PSD4: variants seen among roughly 807,000 people sequenced by gnomAD.
PSD4 encodes the protein pleckstrin and Sec7 domain containing 4, also known as PH and SEC7 domain-containing protein 4.
In PSD4, 59 loss-of-function variants were observed where a neutral mutation model predicts 112.5. The observed-to-expected ratio is 0.52, with a 90% CI of 0.43 to 0.65. PSD4 has a LOEUF of 0.65. PSD4 is among the 30% of genes least tolerant of loss of function. The probability of loss-of-function intolerance (pLI) is 0.00; values close to 1 mark genes in which losing one functional copy is unlikely to be tolerated. For missense variants in PSD4, 1,267 were observed against 1,352.6 expected, an observed-to-expected ratio of 0.94 and a Z score of 0.99; for synonymous variants, 533 against 540.0, an observed-to-expected ratio of 0.99 and a Z score of 0.18.
chr2:113,199,140 G>C lies in PSD4; in HGVS notation c.2827G>C (p.Asp943His). The C allele has an allele frequency of 6.5e-7, 1 of 1,530,912 alleles. No individual in the cohort carries two copies. The highest frequency in any genetic ancestry group is 8.8e-7 in the Non-Finnish European group (1 of 1,140,712). 94.8% of individuals were successfully genotyped at this position (1,530,912 alleles called of 1,614,324 possible). A position where few individuals can be genotyped will look rare whatever the true frequency, so the allele number is the denominator to read the frequency against. The change falls in exon 16 of 17, where the codon GAT becomes CAT. Residue 943 changes from aspartate to histidine, a missense_variant. Around this residue, in one of 2 missense-constraint regions of PSD4, gnomAD observed 544 missense variants for 648.6 expected, o/e 0.84. Transcript: ENST00000245796. Reference sequence around the variant, plus strand: ...GGACGCTGCCGCGGACGACCTGCTGGATCTACAGAGGAACCTGCCGGAGCG... The same window carrying C: ...GGACGCTGCCGCGGACGACCTGCTGCATCTACAGAGGAACCTGCCGGAGCG... The part of the protein sequence containing the change: ...CLDAAADDLL[D>H]LQRNLPERRG...
At position 113,185,290 on chromosome 2, in the gene PSD4, C is replaced by G. The variant is rs371609076; in HGVS notation, c.1174-75C>G. 1.8e-5 allele frequency: 28 copies of G among 1,588,400 alleles called. No homozygotes were observed. In the African/African-American group the frequency reaches 2.4e-4, roughly 14 times the overall value. On this transcript the variant is annotated intron_variant, in intron 3 of 16. Coordinates refer to ENST00000245796, the MANE Select transcript of PSD4 (RefSeq NM_012455.3). Reference sequence around the variant, plus strand: ...TTCCCCTCCCCTCCTTTCCCCTTCTCCCTGCCTGGCCTCTCCCCCATCCAC... The same window carrying G: ...TTCCCCTCCCCTCCTTTCCCCTTCTGCCTGCCTGGCCTCTCCCCCATCCAC...
chr2:113,179,869 G>A (rs951912022), intron 1 of PSD4, among the ~76,000 whole-genome samples: 2 of 152,176 alleles, frequency 1.3e-5, no homozygotes, highest in Admixed American at 6.5e-5. Flanking sequence ...GCCGGTCAGG[G>A]ACCATTCCGG....
In PSD4 at chr2:113,199,139, G is replaced by A; in HGVS notation, c.2826G>A (p.Leu942=). Residue 942 remains leucine, a synonymous_variant, in exon 16 of 17, where the codon CTG becomes CTA. Transcript: ENST00000245796. ...NCLDAAADDL[L]DLQRNLPERR... ...TGGACGCTGCCGCGGACGACCTGCT[G>A]GATCTACAGAGGAACCTGCCGGAGC... The A allele has an allele frequency of 6.5e-7, 1 of 1,531,128 alleles. No individual in the cohort carries two copies. The highest frequency in any genetic ancestry group is 8.8e-7 in the Non-Finnish European group (1 of 1,140,842). 94.8% of individuals were successfully genotyped at this position (1,531,128 alleles called of 1,614,324 possible).
chr2:113,198,990 G>T, intron 15 of PSD4, 93 bp from the exon 16 acceptor site: 3 of 1,521,626 alleles, frequency 2.0e-6, no homozygotes, highest in Non-Finnish European at 2.6e-6. Flanking sequence ...CTTGGCCTGG[G>T]AACCGAGGCG....
chr2:113,205,834 G>C lies in PSD4; in HGVS notation c.*4419G>C, dbSNP rs1688854056. On this transcript the variant is annotated 3_prime_UTR_variant, in exon 17 of 17. Coordinates refer to ENST00000245796, the MANE Select transcript of PSD4 (RefSeq NM_012455.3). ...AGGTCCTTTTTCCTCCTGCTGAGCT[G>C]AGCAGGCATGCTCACAGATCCTCAA... 1 of 152,226 alleles carries C rather than the reference G, an allele frequency of 6.6e-6. No homozygotes were observed. Among genetic ancestry groups the C allele is most frequent in the Non-Finnish European group, 1.5e-5 (1 of 68,030 alleles). 9.4% of individuals were successfully genotyped at this position (152,226 alleles called of 1,614,324 possible).
intron 5 of PSD4, among the ~76,000 whole-genome samples, chr2:113,190,304 C>T (rs192136060): frequency 2.6e-5 from 4 of 152,302 alleles, no homozygotes; most frequent in Non-Finnish European, 5.9e-5. Flanking sequence ...TATCCCAACA[C>T]CATTTTTTGA....
intron 16 of PSD4, 24 bp downstream of exon 16, chr2:113,199,250 C>A (rs1363530830): frequency 6.9e-7 from 1 of 1,439,340 alleles, no homozygotes; most frequent in Non-Finnish European, 9.1e-7. Flanking sequence ...CCCACCTCCC[C>A]GCCGCTGCGC....
Position 113,201,264 on chromosome 2 carries a change from C to T in PSD4, c.3020C>T (p.Thr1007Ile), listed in dbSNP as rs1204274947. Reference sequence around the variant, plus strand: ...CAGCTGGGGAGGGAAGCTGGAGGCACTCGGGAGCCCAAGCTCAGCCTGAAG... The same window carrying T: ...CAGCTGGGGAGGGAAGCTGGAGGCATTCGGGAGCCCAAGCTCAGCCTGAAG... ...EEQLGREAGG[T>I]REPKLSLKKS... The change falls in exon 17 of 17, where the codon ACT (threonine) becomes ATT (isoleucine). Residue 1007 changes from threonine (T) to isoleucine (I), a missense_variant. By Grantham distance (89) the Thr-to-Ile change is moderately conservative. Transcript: ENST00000245796. The T allele has an allele frequency of 7.4e-6, 12 of 1,614,174 alleles. No individual in the cohort carries two copies. Among genetic ancestry groups the T allele is most frequent in the Non-Finnish European group, 9.3e-6 (11 of 1,180,034 alleles).
Position 113,197,564 on chromosome 2 carries a change from C to T in PSD4, c.2387C>T (p.Thr796Met), listed in dbSNP as rs1573376439. ...CATTTGTGTTCTGTTCCTGGAACAG[C>T]GCCATGGGGCAAGCGTGGCTGGAAG... Reference protein sequence around the residue: ...KMHQDADGKKTPWGKRGWKMF... With the variant: ...KMHQDADGKKMPWGKRGWKMF... The change falls in exon 13 of 17, where the codon ACG (threonine) becomes ATG (methionine). Residue 796 changes from threonine to methionine, a missense_variant and splice_region_variant. Around this residue, in one of 2 missense-constraint regions of PSD4, gnomAD observed 544 missense variants for 648.6 expected, o/e 0.84. Transcript: ENST00000245796. 3 of 1,614,170 alleles carry T rather than the reference C, an allele frequency of 1.9e-6. No homozygotes were observed. The highest frequency in any genetic ancestry group is 2.5e-6 in the Non-Finnish European group (3 of 1,180,006).
At chr2:113,188,626 G>C (rs1028145164) in intron 5 of PSD4, among the ~76,000 whole-genome samples, 1 of 151,936 alleles carries the variant, frequency 6.6e-6, no homozygotes, top group Non-Finnish European at 1.5e-5. Flanking sequence ...TGTGGCCCAG[G>C]CTGGAATGCA....
Position 113,197,878 on chromosome 2 carries a change from C to A in PSD4, c.2589C>A (p.Arg863=). Residue 863 remains arginine, a synonymous_variant, in exon 14 of 17, where the codon CGC becomes CGA. Coordinates refer to ENST00000245796, the MANE Select transcript of PSD4 (RefSeq NM_012455.3). The part of the protein sequence containing the change: ...YTKKPHVFQL[R]TADWRLYLFQ... Reference sequence around the variant, plus strand: ...AGAAGCCGCACGTCTTCCAGCTGCGCACGGCTGACTGGCGCCTCTACCTCT... The same window carrying A: ...AGAAGCCGCACGTCTTCCAGCTGCGAACGGCTGACTGGCGCCTCTACCTCT... 1.9e-6 allele frequency: 3 copies of A among 1,601,276 alleles called. No homozygotes were observed. Among genetic ancestry groups the A allele is most frequent in the Non-Finnish European group, 2.6e-6 (3 of 1,171,250 alleles).
chr2:113,177,989 A>C (rs2104490222), intron 1 of PSD4, among the ~76,000 whole-genome samples: 1 of 152,262 alleles, frequency 6.6e-6, no homozygotes, highest in African/African-American at 2.4e-5. Context: ...AGGCCAAGGT[A>C]GGTGGATCAC....
intron 7 of PSD4, 31 bp downstream of exon 7, chr2:113,193,159 T>A: frequency 6.2e-7 from 1 of 1,609,394 alleles, no homozygotes. Context: ...CTGGGGAGGC[T>A]GTGGAGGATG....
chr2:113,193,032 C>G lies in PSD4; in HGVS notation c.1839-16C>G. 3 of 1,612,290 alleles carry G rather than the reference C, an allele frequency of 1.9e-6. No homozygotes were observed. Among genetic ancestry groups the G allele is most frequent in the Non-Finnish European group, 2.5e-6 (3 of 1,178,396 alleles). On this transcript the variant is annotated splice_polypyrimidine_tract_variant and intron_variant, in intron 6 of 16. Transcript: ENST00000245796. ...AGGCCCCTGGTGCAGACTCCATGCC[C>G]CTTTTCCCTCTGCAGCAATGACTTT...
intron 1 of PSD4, among the ~76,000 whole-genome samples, chr2:113,176,448 T>G (rs1052911721): frequency 6.6e-6 from 1 of 152,180 alleles, no homozygotes; most frequent in Non-Finnish European, 1.5e-5. Flanking sequence ...GTGGTGAAGA[T>G]TCTCTGAAAT....
intron 2 of PSD4, among the ~76,000 whole-genome samples, chr2:113,183,980 A>T (rs1325970594): frequency 2.0e-5 from 3 of 152,220 alleles, no homozygotes; most frequent in Admixed American, 1.3e-4. Flanking sequence ...GACAGATTTC[A>T]GCATGTTGTT....
At chr2:113,194,543 T>C (rs908592697) in intron 10 of PSD4, among the ~76,000 whole-genome samples, 1 of 152,238 alleles carries the variant, frequency 6.6e-6, no homozygotes, top group Non-Finnish European at 1.5e-5. Context: ...AAATGCATCG[T>C]TGGGCATTTT....
Position 113,197,639 on chromosome 2 carries a change from G to A in PSD4, c.2457+5G>A, listed in dbSNP as rs1348998990. Reference sequence around the variant, plus strand: ...ATGGTTCTCTACTTCCTGAAGGTAGGAAAGGAGCCAACACCCCTGTCAGAA... The same window carrying A: ...ATGGTTCTCTACTTCCTGAAGGTAGAAAAGGAGCCAACACCCCTGTCAGAA... On this transcript the variant is annotated splice_donor_5th_base_variant and intron_variant, in intron 13 of 16. Coordinates refer to ENST00000245796, the MANE Select transcript of PSD4 (RefSeq NM_012455.3). 2 of 1,614,110 alleles carry A rather than the reference G, an allele frequency of 1.2e-6. No individual in the cohort carries two copies. Among genetic ancestry groups the A allele is most frequent in the Non-Finnish European group, 1.7e-6 (2 of 1,180,036 alleles).
rs1187358292 is a variant in PSD4 at position 113,196,189 on chromosome 2, C to T, written c.2268C>T (p.Ser756=). 6.2e-7 allele frequency: 1 copy of T among 1,613,740 alleles called. No homozygotes were observed. The highest frequency in any genetic ancestry group is 8.5e-7 in the Non-Finnish European group (1 of 1,179,736). Residue 756 remains serine, a synonymous_variant, in exon 12 of 17, where the codon TCC becomes TCT. Coordinates refer to ENST00000245796, the MANE Select transcript of PSD4 (RefSeq NM_012455.3). Reference sequence around the variant, plus strand: ...CCAGACCTGAGAAGGCCCAGCCGTCCCTGCCAGCTGGCAAGATGAGCAAGC... The same window carrying T: ...CCAGACCTGAGAAGGCCCAGCCGTCTCTGCCAGCTGGCAAGATGAGCAAGC... ...DTARPEKAQP[S]LPAGKMSKPF...
Sources: gnomAD v4.1 joint callset for allele counts (sites outside exome capture counted in the v4.1 genomes callset) on GRCh38, gnomAD v4.1.1 for gene constraint, gnomAD v4.1.1 regional missense constraint, MANE v1.5 for transcripts, NCBI Gene and HGNC (gene_info 2026-07-23, HGNC 2026-07-21) for gene names.